APPL2: variants seen among roughly 807,000 people sequenced by gnomAD.
APPL2 encodes the protein adaptor protein, phosphotyrosine interacting with PH domain and leucine zipper 2, also known as DCC-interacting protein 13-beta.
A neutral mutation model predicts 92.7 loss-of-function variants in APPL2; 84 were observed. That is an observed-to-expected ratio of 0.91 (90% CI 0.76 to 1.09). APPL2 has a LOEUF of 1.09. Among genes scored for constraint, APPL2 ranks in the 50% least tolerant of loss-of-function variants. APPL2 has a pLI of 0.00. For synonymous variants in APPL2, 291 were observed against 291.0 expected (o/e 1.00, Z 0.00); for missense variants, 736 against 824.5 (o/e 0.89, Z 1.31).
At chr12:105,222,699 T>C (rs535741900) in intron 2 of APPL2, among the ~76,000 whole-genome samples, 6 of 152,284 alleles carry the variant, frequency 3.9e-5, no homozygotes, top group African/African-American at 1.4e-4. Flanking sequence ...TGTAGGGCAC[T>C]GGCAACATCT....
intron 17 of APPL2, among the ~76,000 whole-genome samples, chr12:105,177,885 G>C (rs912299621): frequency 1.3e-5 from 2 of 152,120 alleles, no homozygotes; most frequent in African/African-American, 4.8e-5. Context: ...CCACCTCCCG[G>C]GTTCAAGCGA....
At chr12:105,222,288 A>T in intron 2 of APPL2, among the ~76,000 whole-genome samples, 1 of 152,110 alleles carries the variant, frequency 6.6e-6, no homozygotes, top group Middle Eastern at 3.2e-3. Context: ...GAAAACCAGG[A>T]GTGGTGGTGG....
In APPL2 at chr12:105,186,694, T is replaced by TATA. The variant is rs1886734761; in HGVS notation, c.1634+1576_1634+1578dup. Among the ~76,000 whole-genome samples, 8 of 60,860 alleles carry TATA rather than the reference T, an allele frequency of 1.3e-4. No homozygotes were observed. The South Asian group carries it at 6.0e-3, about 45-fold the overall frequency. 39.9% of individuals were successfully genotyped at this position (60,860 alleles called of 152,430 possible). The stretch of plus-strand genomic sequence containing the variant: ...TATATGATATATCATATATATATCA[T>TATA]ATATCATATCATATATCATATCATA... On this transcript the variant is annotated intron_variant, in intron 17 of 20. Transcript: ENST00000258530.
chr12:105,184,846 T>G (rs1886447872), intron 17 of APPL2, among the ~76,000 whole-genome samples: 2 of 152,318 alleles, frequency 1.3e-5, no homozygotes, highest in South Asian at 2.1e-4. Flanking sequence ...CTGCTGAAAC[T>G]GCGCCCACAG....
At chr12:105,203,164 C>G (rs936281169) in intron 9 of APPL2, among the ~76,000 whole-genome samples, 1 of 152,230 alleles carries the variant, frequency 6.6e-6, no homozygotes, top group African/African-American at 2.4e-5. Flanking sequence ...CGGGGCCCCC[C>G]TCAGAGCTCT....
At chr12:105,219,120 G>A (rs992711760) in intron 2 of APPL2, among the ~76,000 whole-genome samples, 2 of 152,236 alleles carry the variant, frequency 1.3e-5, no homozygotes, top group African/African-American at 4.8e-5. Context: ...CCTTGGCCTT[G>A]GCCTCCACTG....
chr12:105,217,667 T>C lies in APPL2; in HGVS notation c.212A>G (p.Gln71Arg), dbSNP rs1184296535. 6.2e-7 allele frequency: 1 copy of C among 1,614,036 alleles called. No homozygotes were observed. Among genetic ancestry groups the C allele is most frequent in the Admixed American group, 1.7e-5 (1 of 60,036 alleles). Reference protein sequence around the residue: ...LSKQLLAYEKQNFALGKGDEE... With the variant: ...LSKQLLAYEKRNFALGKGDEE... Reference sequence around the variant, plus strand: ...CAGGCCACATAAATACCAAGTTACCTGTTTTTCATATGCCAGCAGTTGCTT... The same window carrying C: ...CAGGCCACATAAATACCAAGTTACCCGTTTTTCATATGCCAGCAGTTGCTT... The change falls in exon 3 of 21, where the codon CAG becomes CGG. Residue 71 changes from glutamine (Q) to arginine (R), a missense_variant and splice_region_variant. Physicochemically the swap from Gln to Arg is conservative, Grantham distance 43 (BLOSUM62 1). Coordinates refer to ENST00000258530, the MANE Select transcript of APPL2 (RefSeq NM_018171.5).
At chr12:105,190,359 T>C (rs1480414049) in intron 14 of APPL2, among the ~76,000 whole-genome samples, 1 of 152,168 alleles carries the variant, frequency 6.6e-6, no homozygotes, top group Non-Finnish European at 1.5e-5. Context: ...TTTCCTGCAG[T>C]TCTCTCTGCT....
rs1399434329 is a variant in APPL2 at position 105,207,954 on chromosome 12, A to G, written c.474+17T>C. 6.2e-7 allele frequency: 1 copy of G among 1,605,616 alleles called. No individual in the cohort carries two copies. Among genetic ancestry groups the G allele is most frequent in the African/African-American group, 1.3e-5 (1 of 74,726 alleles). On this transcript the variant is annotated intron_variant, in intron 7 of 20. Transcript: ENST00000258530. ...TTATGTAAATGAAGTGAAAAACAAC[A>G]TGTAAAGTATTCTTACCTTCTCATT...
chr12:105,193,074 C>G (rs1377652375), intron 14 of APPL2, among the ~76,000 whole-genome samples: 1 of 152,190 alleles, frequency 6.6e-6, no homozygotes, highest in African/African-American at 2.4e-5. Context: ...CATCTGTCAC[C>G]CATCCAATCA....
chr12:105,205,491 TGGGAGCA>T (rs1888622292), intron 8 of APPL2, among the ~76,000 whole-genome samples: 1 of 152,332 alleles, frequency 6.6e-6, no homozygotes, highest in Non-Finnish European at 1.5e-5. Context: ...GAGTCCAGGC[TGGGAGCA>T]GTGAGGTAGT....
chr12:105,222,954 C>A (rs1191133587), intron 2 of APPL2, among the ~76,000 whole-genome samples: 3 of 152,190 alleles, frequency 2.0e-5, no homozygotes, highest in Non-Finnish European at 2.9e-5. Context: ...AAGAAACAGG[C>A]AGCAGGAGTG....
intron 11 of APPL2, among the ~76,000 whole-genome samples, chr12:105,197,364 C>A (rs1210248286): frequency 1.3e-5 from 2 of 152,196 alleles, no homozygotes; most frequent in African/African-American, 4.8e-5. Flanking sequence ...ATGGCCTTCT[C>A]AGGAAGGTCG....
intron 2 of APPL2, among the ~76,000 whole-genome samples, chr12:105,221,428 A>G (rs1378556196): frequency 6.6e-6 from 1 of 152,252 alleles, no homozygotes; most frequent in Non-Finnish European, 1.5e-5. Flanking sequence ...TAACTTTCTA[A>G]AGCCACATGA....
chr12:105,235,945 GC>G lies in APPL2; in HGVS notation c.54+13del. 1 of 1,242,354 alleles carries G rather than the reference GC, an allele frequency of 8.0e-7. No individual in the cohort carries two copies. The highest frequency in any genetic ancestry group is 1.0e-6 in the Non-Finnish European group (1 of 984,882). The allele number at this position is 1,242,354 out of a possible 1,614,324, so 77.0% of individuals were successfully genotyped here. The stretch of plus-strand genomic sequence containing the variant: ...ACCCCTGCGGGCGAGGGGCACCGGA[GC>G]GGCGGGAGGTACCTGGGGGCTGTCC... On this transcript the variant is annotated intron_variant, in intron 1 of 20. Transcript: ENST00000258530.
intron 11 of APPL2, among the ~76,000 whole-genome samples, chr12:105,195,836 C>T (rs986605505): frequency 6.6e-6 from 1 of 152,162 alleles, no homozygotes; most frequent in African/African-American, 2.4e-5. Context: ...AGGAGGATGG[C>T]TTGAGCCCAG....
At chr12:105,221,295 T>C (rs923100086) in intron 2 of APPL2, among the ~76,000 whole-genome samples, 2 of 152,224 alleles carry the variant, frequency 1.3e-5, no homozygotes, top group Non-Finnish European at 2.9e-5. Flanking sequence ...CCTAAGTGCT[T>C]GATGTTGCTG....
At chr12:105,191,428 T>G (rs2135944732) in intron 14 of APPL2, among the ~76,000 whole-genome samples, 1 of 152,318 alleles carries the variant, frequency 6.6e-6, no homozygotes, top group South Asian at 2.1e-4. Flanking sequence ...AAGAGAGGGC[T>G]GTGATATAAT....
At chr12:105,186,777 G>A (rs936284446) in intron 17 of APPL2, among the ~76,000 whole-genome samples, 11 of 148,448 alleles carry the variant, frequency 7.4e-5, no homozygotes, top group African/African-American at 1.5e-4. Flanking sequence ...GCATGCGTGC[G>A]CACGCCATCT....
Sources: allele counts gnomAD v4.1 joint callset (sites outside exome capture counted in the v4.1 genomes callset), GRCh38; gene constraint gnomAD v4.1.1; transcripts MANE v1.5; gene names NCBI Gene and HGNC (gene_info 2026-07-23, HGNC 2026-07-21).